Variants in KHDRBS3 observed in about 807,000 individuals in gnomAD.
KHDRBS3 encodes the protein KH domain-containing, RNA-binding, signal transduction-associated protein 3.
Under a neutral mutation model 45.6 loss-of-function variants are expected in KHDRBS3, and 23 were observed. That is an observed-to-expected ratio of 0.50 (90% CI 0.36 to 0.72). KHDRBS3 has a LOEUF of 0.72. KHDRBS3 is among the 30% of genes least tolerant of loss of function. The pLI, the probability that KHDRBS3 is intolerant of heterozygous loss-of-function variation, is 0.00. For missense variants in KHDRBS3, 352 were observed against 424.8 expected, an observed-to-expected ratio of 0.83 and a Z score of 1.51; for synonymous variants, 162 against 156.5, an observed-to-expected ratio of 1.04 and a Z score of -0.26.
chr8:135,548,901 G>A lies in KHDRBS3; in HGVS notation c.471+1G>A. The A allele has an allele frequency of 6.4e-7, 1 of 1,567,122 alleles. No homozygotes were observed. The highest frequency in any genetic ancestry group is 8.6e-7 in the Non-Finnish European group (1 of 1,161,098). On this transcript the variant is annotated splice_donor_variant, in intron 4 of 8. Coordinates refer to ENST00000355849, the MANE Select transcript of KHDRBS3 (RefSeq NM_006558.3). LOFTEE classifies it high-confidence loss of function. ...AGAAATCAAAAAGTTCCTCATCCCT[G>A]TTAGTACCATTTTTCTTGATAGTTA... is the stretch of plus-strand genomic sequence containing the variant.
intron 1 of KHDRBS3, among the ~76,000 whole-genome samples, chr8:135,491,400 CCA>C (rs1156899142): frequency 6.6e-6 from 1 of 151,708 alleles, no homozygotes; most frequent in African/African-American, 2.4e-5. Flanking sequence ...AAAACAGCCC[CCA>C]CACCAAAAAA....
intron 5 of KHDRBS3, among the ~76,000 whole-genome samples, chr8:135,567,771 A>G (rs1300570545): frequency 3.3e-5 from 5 of 152,238 alleles, no homozygotes; most frequent in Non-Finnish European, 7.3e-5. Flanking sequence ...TGGCCTTCCC[A>G]TTACCCAAAA....
At chr8:135,621,934 G>T (rs1830160292) in intron 7 of KHDRBS3, among the ~76,000 whole-genome samples, 1 of 151,792 alleles carries the variant, frequency 6.6e-6, no homozygotes, top group East Asian at 1.9e-4. Context: ...TGCTCCCCAT[G>T]CCCGTAACCC....
At chr8:135,572,320 TAAG>T (rs1827740814) in intron 5 of KHDRBS3, among the ~76,000 whole-genome samples, 1 of 152,236 alleles carries the variant, frequency 6.6e-6, no homozygotes, top group South Asian at 2.1e-4. Context: ...CTCTTGCACT[TAAG>T]AATGTACTTC....
intron 6 of KHDRBS3, among the ~76,000 whole-genome samples, chr8:135,597,278 G>A (rs968223938): frequency 1.3e-5 from 2 of 152,108 alleles, no homozygotes; most frequent in Admixed American, 6.5e-5. Flanking sequence ...ACCAGTTCAC[G>A]AGAGCCTGCA....
At chr8:135,620,033 C>T (rs1366207658) in intron 7 of KHDRBS3, among the ~76,000 whole-genome samples, 2 of 150,236 alleles carry the variant, frequency 1.3e-5, no homozygotes, top group African/African-American at 2.4e-5. Flanking sequence ...TGATACAAGA[C>T]TGTTTCTTCT....
intron 6 of KHDRBS3, among the ~76,000 whole-genome samples, chr8:135,605,645 A>AACAT (rs1343851399): frequency 6.6e-6 from 1 of 152,200 alleles, no homozygotes; most frequent in Non-Finnish European, 1.5e-5. Flanking sequence ...AGCCCTGCAG[A>AACAT]ACATACATAT....
At chr8:135,465,363 G>A (rs1821643297) in intron 1 of KHDRBS3, among the ~76,000 whole-genome samples, 1 of 152,214 alleles carries the variant, frequency 6.6e-6, no homozygotes, top group Non-Finnish European at 1.5e-5. Flanking sequence ...TAAGACAGAT[G>A]TGTGAGTATC....
intron 2 of KHDRBS3, among the ~76,000 whole-genome samples, chr8:135,521,881 A>C (rs538700375): frequency 7.9e-5 from 12 of 152,084 alleles, no homozygotes; most frequent in Admixed American, 7.2e-4. Flanking sequence ...GGCACTTTTA[A>C]TTTTTTGGTT....
chr8:135,633,235 A>G (rs1239830389), intron 7 of KHDRBS3, among the ~76,000 whole-genome samples: 1 of 152,184 alleles, frequency 6.6e-6, no homozygotes, highest in Non-Finnish European at 1.5e-5. Context: ...GTCTCATATT[A>G]TTTGATTTTG....
chr8:135,614,003 G>C (rs1004716558), intron 7 of KHDRBS3, among the ~76,000 whole-genome samples: 1 of 126,994 alleles, frequency 7.9e-6, no homozygotes, highest in African/African-American at 2.5e-5. Flanking sequence ...GTACAAATGA[G>C]AATTCCCATA....
At chr8:135,480,704 C>T (rs1586579913) in intron 1 of KHDRBS3, among the ~76,000 whole-genome samples, 2 of 152,130 alleles carry the variant, frequency 1.3e-5, no homozygotes. Flanking sequence ...TTTGAGATAA[C>T]TATTGGTTAT....
intron 5 of KHDRBS3, among the ~76,000 whole-genome samples, chr8:135,567,696 G>A (rs991956168): frequency 1.3e-5 from 2 of 152,088 alleles, no homozygotes; most frequent in Non-Finnish European, 1.5e-5. Flanking sequence ...TGAGAAATCC[G>A]TAACTGCTTC....
chr8:135,626,765 CCG>C (rs1830384240), intron 7 of KHDRBS3, among the ~76,000 whole-genome samples: 1 of 133,962 alleles, frequency 7.5e-6, no homozygotes, highest in Non-Finnish European at 1.5e-5. Context: ...GATTGCGCCA[CCG>C]CACTCCAACC....
intron 1 of KHDRBS3, among the ~76,000 whole-genome samples, chr8:135,515,363 CTT>C (rs1472090621): frequency 3.6e-5 from 1 of 27,628 alleles, no homozygotes; most frequent in Non-Finnish European, 6.8e-5. Flanking sequence ...GAGACTCCGT[CTT>C]AAAAAAAAAA....
intron 1 of KHDRBS3, among the ~76,000 whole-genome samples, chr8:135,461,778 C>G (rs1246307977): frequency 7.9e-5 from 12 of 152,204 alleles, no homozygotes; most frequent in Admixed American, 7.9e-4. Context: ...GGCTGGCTCA[C>G]TGCCAAGTTA....
chr8:135,595,571 T>C (rs978726324), intron 6 of KHDRBS3, among the ~76,000 whole-genome samples: 1 of 152,230 alleles, frequency 6.6e-6, no homozygotes, highest in Non-Finnish European at 1.5e-5. Context: ...GCAAATATTT[T>C]AAAACTCTGA....
At chr8:135,463,051 T>C (rs920406026) in intron 1 of KHDRBS3, among the ~76,000 whole-genome samples, 13 of 152,180 alleles carry the variant, frequency 8.5e-5, no homozygotes, top group African/African-American at 3.1e-4. Context: ...TCAAAATGGG[T>C]TGGATTGCCT....
intron 4 of KHDRBS3, among the ~76,000 whole-genome samples, chr8:135,550,377 A>C (rs1826528662): frequency 6.6e-6 from 1 of 152,160 alleles, no homozygotes; most frequent in Admixed American, 6.6e-5. Flanking sequence ...GTATTCTTTC[A>C]CTTAAAATAC....
Sources: gnomAD v4.1 joint callset for allele counts (sites outside exome capture counted in the v4.1 genomes callset) on GRCh38, gnomAD v4.1.1 for gene constraint, MANE v1.5 for transcripts, NCBI Gene and HGNC (gene_info 2026-07-23, HGNC 2026-07-21) for gene names.